Variants in SCFD2 observed in about 807,000 individuals in gnomAD.
SCFD2 encodes sec1 family domain-containing protein 2.
A neutral mutation model predicts 58.9 loss-of-function variants in SCFD2; 54 were observed. The observed-to-expected ratio is 0.92, with a 90% CI of 0.74 to 1.15. The LOEUF is 1.15. Ranked by LOEUF, SCFD2 falls within the 50% of genes most tolerant of loss-of-function variation. The pLI is 0.00. For synonymous variants in SCFD2, 321 were observed against 335.9 expected, an observed-to-expected ratio of 0.96 and a Z score of 0.49; for missense variants, 805 against 836.6, an observed-to-expected ratio of 0.96 and a Z score of 0.47.
intron 3 of SCFD2, among the ~76,000 whole-genome samples, chr4:53,303,787 T>A (rs1428187649): frequency 1.3e-5 from 2 of 151,496 alleles, no homozygotes; most frequent in Non-Finnish European, 2.9e-5. Context: ...AAAGGATGAG[T>A]TCATGTCCTT....
In SCFD2 at chr4:53,354,449, G is replaced by A. The variant is rs933238098; in HGVS notation, c.839-1683C>T. Among the ~76,000 whole-genome samples the A allele has an allele frequency of 1.1e-4, 17 of 152,202 alleles. 1 individual carries two copies. The highest frequency in any genetic ancestry group is 8.5e-4 in the Admixed American group (13 of 15,288). On this transcript the variant is annotated intron_variant, in intron 1 of 8. Coordinates refer to ENST00000401642, the MANE Select transcript of SCFD2 (RefSeq NM_152540.4). ...CGCAGTGCAGGCCTGGTTCCTGCCCGTGCCTCTTCCTCCACATCTCCCGGC... is the reference window on the plus strand; with the variant it reads ...CGCAGTGCAGGCCTGGTTCCTGCCCATGCCTCTTCCTCCACATCTCCCGGC...
chr4:52,975,803 GA>G (rs1485770759), intron 5 of SCFD2, among the ~76,000 whole-genome samples: 8 of 152,092 alleles, frequency 5.3e-5, no homozygotes, highest in African/African-American at 1.9e-4. Flanking sequence ...ACTGTATTAA[GA>G]AAATGTGGCA....
At chr4:53,073,488 C>G (rs1282315417) in intron 5 of SCFD2, among the ~76,000 whole-genome samples, 1 of 152,142 alleles carries the variant, frequency 6.6e-6, no homozygotes, top group Admixed American at 6.6e-5. Context: ...GCAGTAAATA[C>G]CACCTGAATG....
At chr4:53,181,354 C>A (rs1033117675) in intron 4 of SCFD2, among the ~76,000 whole-genome samples, 8 of 152,250 alleles carry the variant, frequency 5.3e-5, no homozygotes, top group African/African-American at 1.9e-4. Context: ...GTTCAACATA[C>A]ACAAATCAAT....
intron 5 of SCFD2, among the ~76,000 whole-genome samples, chr4:52,944,137 T>A (rs1338751917): frequency 6.6e-6 from 1 of 152,216 alleles, no homozygotes; most frequent in East Asian, 1.9e-4. Context: ...TTTAGTTGTA[T>A]CTGGATTAAT....
intron 7 of SCFD2, among the ~76,000 whole-genome samples, chr4:52,891,865 C>T (rs565979675): frequency 6.6e-6 from 1 of 152,324 alleles, no homozygotes; most frequent in East Asian, 1.9e-4. Flanking sequence ...ACTTTCTAAG[C>T]CCTCTTAGCT....
chr4:53,360,535 G>A (rs1203176027), intron 1 of SCFD2, among the ~76,000 whole-genome samples: 2 of 152,158 alleles, frequency 1.3e-5, no homozygotes, highest in African/African-American at 4.8e-5. Flanking sequence ...CAAATACACT[G>A]GGCCCTGGCC....
chr4:53,256,701 C>T (rs1367572159), intron 4 of SCFD2, among the ~76,000 whole-genome samples: 2 of 151,994 alleles, frequency 1.3e-5, no homozygotes, highest in African/African-American at 4.8e-5. Flanking sequence ...ACAGCAAAAC[C>T]CTGTCTCCAC....
chr4:53,094,695 G>A (rs1724567375), intron 5 of SCFD2, among the ~76,000 whole-genome samples: 1 of 151,380 alleles, frequency 6.6e-6, no homozygotes, highest in Non-Finnish European at 1.5e-5. Context: ...AGTGTACAAT[G>A]TGCTTTTATT....
At chr4:52,952,708 G>A (rs528320800) in intron 5 of SCFD2, among the ~76,000 whole-genome samples, 8 of 152,274 alleles carry the variant, frequency 5.3e-5, no homozygotes, top group Middle Eastern at 3.4e-3. Context: ...TCATGATTTA[G>A]TGTGGAACAG....
chr4:53,272,715 G>A (rs1359606550), intron 4 of SCFD2, among the ~76,000 whole-genome samples: 1 of 151,462 alleles, frequency 6.6e-6, no homozygotes, highest in Non-Finnish European at 1.5e-5. Flanking sequence ...GTGGGGGGAA[G>A]GGGAGAGGGA....
intron 4 of SCFD2, among the ~76,000 whole-genome samples, chr4:53,146,750 T>TAG (rs746164987): frequency 6.6e-6 from 1 of 152,206 alleles, no homozygotes; most frequent in African/African-American, 2.4e-5. Context: ...GAGACAGAGA[T>TAG]AGAGAGAGAC....
chr4:53,251,648 A>C (rs1730386233), intron 4 of SCFD2, among the ~76,000 whole-genome samples: 1 of 152,176 alleles, frequency 6.6e-6, no homozygotes, highest in African/African-American at 2.4e-5. Flanking sequence ...GATTATCTCA[A>C]TAGATGCAGA....
chr4:53,355,779 C>T (rs1484106974), intron 1 of SCFD2, among the ~76,000 whole-genome samples: 1 of 152,278 alleles, frequency 6.6e-6, no homozygotes, highest in South Asian at 2.1e-4. Flanking sequence ...TAGTGGTCCT[C>T]AAGCATGACA....
intron 4 of SCFD2, among the ~76,000 whole-genome samples, chr4:53,212,088 C>A (rs1323876095): frequency 6.6e-6 from 1 of 152,070 alleles, no homozygotes; most frequent in Non-Finnish European, 1.5e-5. Flanking sequence ...ACCCCCCAAC[C>A]AAAATTTCCT....
chr4:53,342,476 C>CA (rs1208065250), intron 2 of SCFD2, among the ~76,000 whole-genome samples: 1 of 152,312 alleles, frequency 6.6e-6, no homozygotes, highest in East Asian at 1.9e-4. Flanking sequence ...TAGAGACCTA[C>CA]AAAGAGACTT....
chr4:52,898,085 G>C (rs956573100), intron 7 of SCFD2, among the ~76,000 whole-genome samples: 10 of 152,030 alleles, frequency 6.6e-5, no homozygotes, highest in Admixed American at 1.3e-4. Context: ...TATCATTGTT[G>C]ATCTTTTCAA....
intron 4 of SCFD2, among the ~76,000 whole-genome samples, chr4:53,233,974 C>A (rs947743660): frequency 6.6e-6 from 1 of 152,024 alleles, no homozygotes; most frequent in African/African-American, 2.4e-5. Flanking sequence ...TTTCAGTAAT[C>A]CCAGTACTCA....
chr4:52,949,437 T>C (rs1560490873), intron 5 of SCFD2: 1 of 152,248 alleles, frequency 6.6e-6, no homozygotes, highest in Admixed American at 6.5e-5. Context: ...CAGCCATTTG[T>C]AGCTTCAGCT....
Sources: allele counts gnomAD v4.1 joint callset (sites outside exome capture counted in the v4.1 genomes callset), GRCh38; gene constraint gnomAD v4.1.1; transcripts MANE v1.5; gene names NCBI Gene and HGNC (gene_info 2026-07-23, HGNC 2026-07-21).